The following CRB1 variants were observed in gnomAD, a reference collection of about 807,000 sequenced individuals.
CRB1 encodes the protein crumbs cell polarity complex component 1.
In CRB1, 83 loss-of-function variants were observed where a neutral mutation model predicts 120.0. The ratio of observed to expected loss-of-function variants is 0.69; its 90% CI spans 0.58 to 0.83. The LOEUF (loss-of-function observed/expected upper bound fraction) is 0.83, where lower values mean the gene tolerates loss of function less well. Ranked by LOEUF, CRB1 falls within the 40% of genes least tolerant of loss-of-function variation. CRB1 has a pLI of 0.00. For synonymous variants in CRB1, 625 were observed against 612.5 expected (o/e 1.02, Z -0.30); for missense variants, 1,699 against 1,687.6 (o/e 1.01, Z -0.12).
intron 4 of CRB1, among the ~76,000 whole-genome samples, chr1:197,349,207 G>C (rs1659949308): frequency 6.6e-6 from 1 of 152,184 alleles, no homozygotes; most frequent in Admixed American, 6.5e-5. Flanking sequence ...ATGCTGTACA[G>C]GTTTGTAGCC....
chr1:197,418,708 C>G (rs1664132766), intron 5 of CRB1, among the ~76,000 whole-genome samples: 1 of 152,110 alleles, frequency 6.6e-6, no homozygotes, highest in South Asian at 2.1e-4. Flanking sequence ...TATTTAATCA[C>G]TTTAGGAAGG....
In CRB1 at chr1:197,435,544, C is replaced by A; in HGVS notation, c.3681C>A (p.Ala1227=). The change falls in exon 9 of 12, where the codon GCC becomes GCA. Residue 1227 remains alanine, a synonymous_variant. Transcript: ENST00000367400. ...NCQSHQCANG[A]TCISHTNGYS... ...AGAGTCACCAGTGTGCAAATGGAGCCACCTGCATTAGTCATACTAATGGCT... is the reference window on the plus strand; with the variant it reads ...AGAGTCACCAGTGTGCAAATGGAGCAACCTGCATTAGTCATACTAATGGCT... 4 of 1,613,408 alleles carry A rather than the reference C, an allele frequency of 2.5e-6. No homozygotes were observed. The highest frequency in any genetic ancestry group is 3.4e-6 in the Non-Finnish European group (4 of 1,179,664).
chr1:197,295,018 C>A (rs983324203), intron 1 of CRB1, among the ~76,000 whole-genome samples: 4 of 152,062 alleles, frequency 2.6e-5, no homozygotes, highest in Non-Finnish European at 5.9e-5. Flanking sequence ...AGCAAACCTG[C>A]ACGTTGTGCA....
At chr1:197,436,498 C>T (rs1269371393) in intron 9 of CRB1, among the ~76,000 whole-genome samples, 2 of 151,684 alleles carry the variant, frequency 1.3e-5, no homozygotes, top group African/African-American at 2.4e-5. Context: ...TTATAATTCT[C>T]AGACAAATAT....
At chr1:197,425,397 A>G (rs936576457) in intron 6 of CRB1, among the ~76,000 whole-genome samples, 1 of 152,184 alleles carries the variant, frequency 6.6e-6, no homozygotes, top group Non-Finnish European at 1.5e-5. Flanking sequence ...TTGATTGTCT[A>G]AGCAAGTTTT....
At chr1:197,242,807 C>CT in the CRB1 span, among the ~76,000 whole-genome samples, 85 of 152,120 alleles carry the variant, frequency 5.6e-4, 1 homozygote, top group East Asian at 0.014. Flanking sequence ...TGTTCCTGCG[C>CT]TTTTTTTGGT....
At chr1:197,261,918 T>C in the CRB1 span, among the ~76,000 whole-genome samples, 7 of 152,296 alleles carry the variant, frequency 4.6e-5, no homozygotes, top group African/African-American at 1.4e-4. Context: ...TTAACTGAGA[T>C]AATGTGCATA....
the CRB1 span, among the ~76,000 whole-genome samples, chr1:197,244,394 TTGGTATC>T: frequency 1.3e-5 from 2 of 152,216 alleles, no homozygotes; most frequent in East Asian, 3.9e-4. Context: ...TTAGAATGTC[TTGGTATC>T]TGTTTCATCC....
chr1:197,377,888 G>A (rs1225172816), intron 5 of CRB1, among the ~76,000 whole-genome samples: 1 of 152,148 alleles, frequency 6.6e-6, no homozygotes, highest in African/African-American at 2.4e-5. Flanking sequence ...TTTGTGCAAT[G>A]AAGCACTTCC....
intron 1 of CRB1, among the ~76,000 whole-genome samples, chr1:197,309,680 G>A (rs1657398831): frequency 6.6e-6 from 1 of 151,810 alleles, no homozygotes; most frequent in Admixed American, 6.6e-5. Context: ...CATGAACCCG[G>A]GAGGCAGAGC....
chr1:197,357,025 G>T lies in CRB1; in HGVS notation c.1171+12G>T. The T allele has an allele frequency of 6.2e-7, 1 of 1,613,886 alleles. No homozygotes were observed. Among genetic ancestry groups the T allele is most frequent in the Non-Finnish European group, 8.5e-7 (1 of 1,179,736 alleles). ...GCCTGGATTCACAGGTGAGGCCAAG[G>T]AGATGGGATATGACTTGACTTTCTG... On this transcript the variant is annotated intron_variant, in intron 5 of 11. Coordinates refer to ENST00000367400, the MANE Select transcript of CRB1 (RefSeq NM_201253.3).
At chr1:197,333,587 T>C (rs2786114) in intron 2 of CRB1, among the ~76,000 whole-genome samples, 130,348 of 152,250 alleles carry the variant, frequency 0.86, 56,402 homozygotes, top group East Asian at 0.98. Context: ...AATATCTTAT[T>C]CCTCTATTAC....
chr1:197,432,357 AACACACACACACACAC>A (rs35921087), intron 8 of CRB1, among the ~76,000 whole-genome samples: 4,360 of 139,832 alleles, frequency 0.031, 209 homozygotes, highest in African/African-American at 0.11. Flanking sequence ...ACCTGGTTGA[AACACACACACACACAC>A]ACACACACAC....
chr1:197,327,009 A>G (rs1311110678), intron 1 of CRB1, among the ~76,000 whole-genome samples: 1 of 151,254 alleles, frequency 6.6e-6, no homozygotes, highest in African/African-American at 2.4e-5. Flanking sequence ...TCAACATCTT[A>G]TAAAGGTAAG....
intron 5 of CRB1, among the ~76,000 whole-genome samples, chr1:197,377,103 C>T (rs1661690031): frequency 2.0e-5 from 3 of 152,186 alleles, no homozygotes; most frequent in Non-Finnish European, 2.9e-5. Flanking sequence ...ACAAAAATGC[C>T]ACCTCTCTCT....
At chr1:197,224,489 G>A in the CRB1 span, among the ~76,000 whole-genome samples, 1 of 152,132 alleles carries the variant, frequency 6.6e-6, no homozygotes, top group Middle Eastern at 3.4e-3. Flanking sequence ...TTATTTCCAA[G>A]ACACTAACAT....
At chr1:197,249,308 A>G in the CRB1 span, among the ~76,000 whole-genome samples, 1 of 151,880 alleles carries the variant, frequency 6.6e-6, no homozygotes, top group Non-Finnish European at 1.5e-5. Context: ...TTTTTCCTAA[A>G]CTTGTATAAC....
chr1:197,268,594 A>C, intron 1 of CRB1, 112 bp downstream of exon 1: 2 of 888,758 alleles, frequency 2.3e-6, no homozygotes, highest in Admixed American at 2.0e-5. Context: ...TAAAAAAGGA[A>C]GTTTTTATTT....
At chr1:197,352,057 G>A (rs1007773039) in intron 4 of CRB1, among the ~76,000 whole-genome samples, 3 of 152,200 alleles carry the variant, frequency 2.0e-5, no homozygotes, top group Non-Finnish European at 2.9e-5. Context: ...ATTACAAGAA[G>A]TGTCAGTCAC....
Sources: allele counts gnomAD v4.1 joint callset (sites outside exome capture counted in the v4.1 genomes callset), GRCh38; gene constraint gnomAD v4.1.1; transcripts MANE v1.5; gene names NCBI Gene and HGNC (gene_info 2026-07-23, HGNC 2026-07-21).